Variants in ANKFN1 observed in about 807,000 individuals in gnomAD.
ANKFN1 encodes ankyrin repeat and fibronectin type-III domain-containing protein 1.
A neutral mutation model predicts 108.7 loss-of-function variants in ANKFN1; 74 were observed. That is an observed-to-expected ratio of 0.68 (90% CI 0.56 to 0.83). The LOEUF is 0.83. ANKFN1 is among the 40% of genes least tolerant of loss of function. The pLI is 0.00. For synonymous variants in ANKFN1, 547 were observed against 516.2 expected, an observed-to-expected ratio of 1.06 and a Z score of -0.81; for missense variants, 1,505 against 1,382.3, an observed-to-expected ratio of 1.09 and a Z score of -1.41.
chr17:56,062,006 A>G (rs1904983454), intron 4 of ANKFN1, among the ~76,000 whole-genome samples: 6 of 152,152 alleles, frequency 3.9e-5, no homozygotes, highest in Admixed American at 3.3e-4. Context: ...GTCATTTAGG[A>G]GCATGTTATT....
chr17:56,384,506 G>T (rs932131849), intron 8 of ANKFN1, among the ~76,000 whole-genome samples: 25 of 152,270 alleles, frequency 1.6e-4, no homozygotes, highest in Non-Finnish European at 3.2e-4. Flanking sequence ...GAAATAAAGG[G>T]TATTCAATTA....
chr17:56,388,261 C>T (rs531406275), intron 8 of ANKFN1, among the ~76,000 whole-genome samples: 1 of 152,140 alleles, frequency 6.6e-6, no homozygotes, highest in African/African-American at 2.4e-5. Context: ...ATTCTCATGC[C>T]TCAGCCTCCC....
chr17:56,378,437 C>A (rs1399684080), intron 8 of ANKFN1, among the ~76,000 whole-genome samples: 3 of 152,136 alleles, frequency 2.0e-5, no homozygotes, highest in Non-Finnish European at 4.4e-5. Context: ...ATTCTTCTTA[C>A]CCTTTCTGTT....
At chr17:56,076,270 G>A (rs1414065759) in intron 4 of ANKFN1, among the ~76,000 whole-genome samples, 1 of 152,152 alleles carries the variant, frequency 6.6e-6, no homozygotes, top group African/African-American at 2.4e-5. Flanking sequence ...CAGGACACCA[G>A]GTGCTGCTAC....
At chr17:56,136,780 C>T (rs772287994) in intron 4 of ANKFN1, among the ~76,000 whole-genome samples, 1 of 152,264 alleles carries the variant, frequency 6.6e-6, no homozygotes, top group South Asian at 2.1e-4. Context: ...CATGGTGAAG[C>T]CTATGACTAG....
At chr17:56,430,022 G>A (rs941628322) in intron 8 of ANKFN1, among the ~76,000 whole-genome samples, 7 of 152,174 alleles carry the variant, frequency 4.6e-5, no homozygotes, top group African/African-American at 1.4e-4. Flanking sequence ...TGGACCATGA[G>A]TCTTTCACTT....
intron 3 of ANKFN1, among the ~76,000 whole-genome samples, chr17:56,278,131 C>G (rs1331133012): frequency 6.6e-6 from 1 of 152,164 alleles, no homozygotes; most frequent in Admixed American, 6.5e-5. Context: ...ATTACCTATC[C>G]ACAACAATAT....
chr17:56,356,963 G>A (rs1309205751), intron 6 of ANKFN1, among the ~76,000 whole-genome samples: 1 of 152,078 alleles, frequency 6.6e-6, no homozygotes, highest in East Asian at 1.9e-4. Context: ...ACCTCCCAAA[G>A]CCCCCTGTGC....
chr17:56,451,984 G>A (rs1029237234), intron 11 of ANKFN1, among the ~76,000 whole-genome samples: 3 of 152,166 alleles, frequency 2.0e-5, no homozygotes, highest in African/African-American at 4.8e-5. Context: ...ACTGGCCAAA[G>A]CTGATCTGCA....
intron 6 of ANKFN1, among the ~76,000 whole-genome samples, chr17:56,362,782 G>A (rs972539042): frequency 6.6e-6 from 1 of 152,138 alleles, no homozygotes; most frequent in African/African-American, 2.4e-5. Context: ...CTTTTTCACA[G>A]CAAAGGAAAC....
At chr17:56,447,317 A>G (rs1464299592) in intron 10 of ANKFN1, among the ~76,000 whole-genome samples, 1 of 152,258 alleles carries the variant, frequency 6.6e-6, no homozygotes, top group Non-Finnish European at 1.5e-5. Flanking sequence ...CACAAGGAAC[A>G]AAGACTCTAC....
intron 3 of ANKFN1, among the ~76,000 whole-genome samples, chr17:56,293,951 G>T (rs111409427): frequency 6.6e-6 from 1 of 152,034 alleles, no homozygotes; most frequent in African/African-American, 2.4e-5. Flanking sequence ...AGGCATAAAC[G>T]TTTTCACCAT....
chr17:56,287,290 C>T (rs2044244522), intron 3 of ANKFN1, among the ~76,000 whole-genome samples: 1 of 152,130 alleles, frequency 6.6e-6, no homozygotes, highest in South Asian at 2.1e-4. Flanking sequence ...AGTCTGAGCC[C>T]AGACTTTGGA....
intron 20 of ANKFN1, among the ~76,000 whole-genome samples, chr17:56,504,967 C>T (rs1318395881): frequency 1.3e-5 from 2 of 152,000 alleles, no homozygotes; most frequent in African/African-American, 4.8e-5. Flanking sequence ...GCCACCGCAC[C>T]CAGCCCACTT....
intron 8 of ANKFN1, among the ~76,000 whole-genome samples, chr17:56,392,688 A>T (rs1415813794): frequency 6.6e-6 from 1 of 152,198 alleles, no homozygotes; most frequent in Non-Finnish European, 1.5e-5. Context: ...CCAAAAATAA[A>T]TAAACAACTG....
intron 15 of ANKFN1, chr17:56,472,725 G>C (rs2050362520): frequency 6.6e-6 from 1 of 152,198 alleles, no homozygotes; most frequent in Non-Finnish European, 1.5e-5. Flanking sequence ...ACCAGAGCCT[G>C]ATAGCAGTAC....
chr17:56,470,743 C>T (rs1411833483), intron 15 of ANKFN1, among the ~76,000 whole-genome samples: 1 of 152,204 alleles, frequency 6.6e-6, no homozygotes, highest in African/African-American at 2.4e-5. Flanking sequence ...GTCCAACTCC[C>T]TCAAATTCCT....
chr17:56,177,798 G>GT (rs1290818712), intron 1 of ANKFN1, among the ~76,000 whole-genome samples: 1 of 136,550 alleles, frequency 7.3e-6, no homozygotes, highest in Admixed American at 7.2e-5. Context: ...ATAGGTTTTT[G>GT]TTTTTGTTTT....
intron 4 of ANKFN1, among the ~76,000 whole-genome samples, chr17:56,103,838 G>A (rs1158739819): frequency 6.6e-6 from 1 of 152,176 alleles, no homozygotes; most frequent in East Asian, 1.9e-4. Context: ...CATTCTGCCT[G>A]GGGCCTTGGG....
Sources: allele counts gnomAD v4.1 joint callset (sites outside exome capture counted in the v4.1 genomes callset), GRCh38; gene constraint gnomAD v4.1.1; transcripts MANE v1.5; gene names NCBI Gene and HGNC (gene_info 2026-07-23, HGNC 2026-07-21).